Variants in MYH2 observed in about 807,000 individuals in gnomAD.
MYH2 encodes myosin-2.
MYH2 carries 139 observed loss-of-function variants against 228.1 expected under a neutral mutation model. That is an observed-to-expected ratio of 0.61 (90% CI 0.53 to 0.70). The LOEUF (loss-of-function observed/expected upper bound fraction) is 0.70, where lower values mean the gene tolerates loss of function less well. MYH2 is among the 30% of genes least tolerant of loss of function. The pLI, the probability that MYH2 is intolerant of heterozygous loss-of-function variation, is 0.00. For synonymous variants in MYH2, 796 were observed against 871.1 expected, an observed-to-expected ratio of 0.91 and a Z score of 1.52; for missense variants, 1,809 against 2,357.5, an observed-to-expected ratio of 0.77 and a Z score of 4.82.
chr17:10,547,843 C>T lies in MYH2; in HGVS notation c.78G>A (p.Glu26=). 6.2e-7 allele frequency: 1 copy of T among 1,614,186 alleles called. No individual in the cohort carries two copies. The change falls in exon 3 of 40, where the codon GAG becomes GAA. Residue 26 remains glutamate, a synonymous_variant. Transcript: ENST00000245503. ...TGGCATCAAAGGGCCTATTCTGGGC[C>T]TCAATGCGCTCCCTTTCAGACTTTC... is the stretch of plus-strand genomic sequence containing the variant. The part of the protein sequence containing the change: ...FLRKSERERI[E]AQNRPFDAKT...
At chr17:10,549,583 C>G (rs764599062) in intron 1 of MYH2, 53 bp downstream of exon 1, 10 of 152,208 alleles carry the variant, frequency 6.6e-5, no homozygotes, top group Non-Finnish European at 7.3e-5. Flanking sequence ...GCTGCTGACA[C>G]TGGGCGGTGT....
At chr17:10,545,012 TGA>T (rs1048690144) in intron 5 of MYH2, among the ~76,000 whole-genome samples, 1 of 124,962 alleles carries the variant, frequency 8.0e-6, no homozygotes, top group Non-Finnish European at 1.7e-5. Context: ...TGTGCGTGCA[TGA>T]GTGTGTGTGT....
chr17:10,521,273 G>A lies in MYH2; in HGVS notation c.*7C>T, dbSNP rs2073280443. ...GTCTTCAGTCATTCCATGGCATCAGGACATGATCACTCTTCACTTATGACT... is the reference window on the plus strand; with the variant it reads ...GTCTTCAGTCATTCCATGGCATCAGAACATGATCACTCTTCACTTATGACT... On this transcript the variant is annotated 3_prime_UTR_variant, in exon 40 of 40. Transcript: ENST00000245503. 3.1e-6 allele frequency: 5 copies of A among 1,613,336 alleles called. No homozygotes were observed. The highest frequency in any genetic ancestry group is 3.4e-6 in the Non-Finnish European group (4 of 1,179,980).
Position 10,521,224 on chromosome 17 carries a change from C to T in MYH2, c.*56G>A. 1 of 1,595,278 alleles carries T rather than the reference C, an allele frequency of 6.3e-7. No homozygotes were observed. ...ACACAATAATTACAGAGGGAAATGACCAAAGATGTCACATTTTGTGCCTGT... is the reference window on the plus strand; with the variant it reads ...ACACAATAATTACAGAGGGAAATGATCAAAGATGTCACATTTTGTGCCTGT... On this transcript the variant is annotated 3_prime_UTR_variant, in exon 40 of 40. Coordinates refer to ENST00000245503, the MANE Select transcript of MYH2 (RefSeq NM_017534.6).
Position 10,531,863 on chromosome 17 carries a change from T to C in MYH2, c.2467A>G (p.Asn823Asp), listed in dbSNP as rs2073428486. The C allele has an allele frequency of 1.2e-6, 2 of 1,614,142 alleles. No individual in the cohort carries two copies. The highest frequency in any genetic ancestry group is 1.7e-6 in the Non-Finnish European group (2 of 1,179,978). Residue 823 changes from asparagine to aspartate, a missense_variant, in exon 22 of 40, where the codon AAT becomes GAT. Transcript: ENST00000245503. ...TTGACATTCATGAAGGATCTGATAT[T>C]GTACTGGATACAGAAGATGGCCTCC... ...RREAIFCIQY[N>D]IRSFMNVKHW...
rs890055941 is a variant in MYH2, at chr17:10,530,074, C to T, written c.2698G>A (p.Glu900Lys). ...TCTGCATCAGCCAAGCCTTCGGCTT[C>T]CTTAAGTTGGAAACAAGATCAAAAT... ...KNDLQLQVQAEAEGLADAEER... is the reference protein window; with the variant it reads ...KNDLQLQVQAKAEGLADAEER... Residue 900 changes from glutamate (E) to lysine (K), a missense_variant and splice_region_variant, in exon 23 of 40, where the codon GAA (glutamate) becomes AAA (lysine). Glu to Lys is a moderately conservative substitution (Grantham distance 56). Transcript: ENST00000245503. 8 of 1,614,086 alleles carry T rather than the reference C, an allele frequency of 5.0e-6. No individual in the cohort carries two copies. The highest frequency in any genetic ancestry group is 5.9e-6 in the Non-Finnish European group (7 of 1,180,054).
intron 4 of MYH2, among the ~76,000 whole-genome samples, chr17:10,545,937 C>T (rs2073623623): frequency 6.6e-6 from 1 of 152,036 alleles, no homozygotes; most frequent in Non-Finnish European, 1.5e-5. Flanking sequence ...TTATTGCTCT[C>T]CTCAGGGCTT....
In MYH2 at chr17:10,533,592, A is replaced by G. The variant is rs1354661600; in HGVS notation, c.2221T>C (p.Phe741Leu). ...TCAGAGGCCTTCTTGCTATCAATGA[A>G]TTGCCCTTCAGGGATTGCACTTGCA... ...LNASAIPEGQ[F>L]IDSKKASEKL... is the part of the protein sequence containing the mutation. The change falls in exon 20 of 40, where the codon TTC becomes CTC. Residue 741 changes from phenylalanine to leucine, a missense_variant. By Grantham distance (22) the Phe-to-Leu change is conservative. This residue lies in a region of MYH2 where 276 missense variants were observed against 344.2 expected (regional missense o/e 0.80). Transcript: ENST00000245503. The G allele has an allele frequency of 1.9e-6, 3 of 1,614,136 alleles. No individual in the cohort carries two copies. Among genetic ancestry groups the G allele is most frequent in the Admixed American group, 1.7e-5 (1 of 60,030 alleles).
rs763350546 is a variant in MYH2, at chr17:10,529,000, A to G, written c.3434T>C (p.Leu1145Pro). ...GCTGATCTCCTCCAGCTCCCGGGAG[A>G]GGTCAGAGCGCTGCTTCTCTGCTTT... ...RAKAEKQRSD[L>P]SRELEEISER... Residue 1145 changes from leucine to proline, a missense_variant, in exon 27 of 40, where the codon CTC becomes CCC. Leu to Pro is a moderately conservative substitution (Grantham distance 98). Around this residue, in one of 9 missense-constraint regions of MYH2, gnomAD observed 636 missense variants for 729.9 expected, o/e 0.87. Transcript: ENST00000245503. The G allele has an allele frequency of 4.3e-6, 7 of 1,614,068 alleles. No individual in the cohort carries two copies.
chr17:10,528,614 A>G, intron 27 of MYH2, 76 bp downstream of exon 27: 2 of 1,606,554 alleles, frequency 1.2e-6, no homozygotes. Context: ...CTTAATGTGT[A>G]AAAAGTGCCC....
At chr17:10,546,941 A>T (rs904913423) in intron 4 of MYH2, among the ~76,000 whole-genome samples, 1 of 151,260 alleles carries the variant, frequency 6.6e-6, no homozygotes, top group African/African-American at 2.4e-5. Context: ...AAAAAAAAAA[A>T]ATAGCCGGGC....
Position 10,543,915 on chromosome 17 carries a change from G to T in MYH2, c.635C>A (p.Ser212Tyr). The stretch of plus-strand genomic sequence containing the variant: ...AATCAGACTCACCTGTATTTTGCCA[G>T]AAGTAATTTCTTCCTTCTTCTTCTC... ...TGEKKKEEIT[S>Y]GKIQGTLEDQ... is the part of the protein sequence containing the mutation. Residue 212 changes from serine to tyrosine, a missense_variant, in exon 7 of 40, where the codon TCT becomes TAT. Ser to Tyr is a moderately radical substitution (Grantham distance 144, BLOSUM62 -2). Coordinates refer to ENST00000245503, the MANE Select transcript of MYH2 (RefSeq NM_017534.6). The T allele has an allele frequency of 6.2e-7, 1 of 1,614,216 alleles. No individual in the cohort carries two copies. The highest frequency in any genetic ancestry group is 8.5e-7 in the Non-Finnish European group (1 of 1,180,034).
rs760446745 is a variant in MYH2, at chr17:10,540,716, A to G, written c.905-19T>C. 72 of 1,523,646 alleles carry G rather than the reference A, an allele frequency of 4.7e-5. No individual in the cohort carries two copies. Among genetic ancestry groups the G allele is most frequent in the Non-Finnish European group, 6.5e-5 (71 of 1,097,892 alleles). The allele number at this position is 1,523,646 out of a possible 1,614,324, so 94.4% of individuals were successfully genotyped here. A position where few individuals can be genotyped will look rare whatever the true frequency, so the allele number is the denominator to read the frequency against. ...AGCATTTCTAAGTACAGGAAACAGA[A>G]CAAAGATAAACATAATTATCTTCTT... is the stretch of plus-strand genomic sequence containing the variant. On this transcript the variant is annotated intron_variant, in intron 10 of 39. Coordinates refer to ENST00000245503, the MANE Select transcript of MYH2 (RefSeq NM_017534.6).
At position 10,543,373 on chromosome 17, in the gene MYH2, A is replaced by C. The variant is rs566782782; in HGVS notation, c.742-212T>G. Among the ~76,000 whole-genome samples the C allele has an allele frequency of 1.6e-4, 25 of 152,314 alleles. No individual in the cohort carries two copies. In the East Asian group the frequency reaches 4.4e-3, roughly 27 times the overall value. On this transcript the variant is annotated intron_variant, in intron 8 of 39. Coordinates refer to ENST00000245503, the MANE Select transcript of MYH2 (RefSeq NM_017534.6). ...ATTTCTTAAGTATGTGAAGTAATGG[A>C]TATGTTAATTAGCATGTTAATCATT...
At chr17:10,535,482 C>T (rs2073472973) in intron 17 of MYH2, 117 bp from the exon 18 acceptor site, 10 of 841,390 alleles carry the variant, frequency 1.2e-5, no homozygotes, top group Non-Finnish European at 2.0e-5. Context: ...GGACTGCATT[C>T]ATATAAGGCA....
At chr17:10,529,514 G>A in intron 24 of MYH2, 33 bp from the exon 25 acceptor site, 3 of 1,614,170 alleles carry the variant, frequency 1.9e-6, no homozygotes, top group Non-Finnish European at 2.5e-6. Flanking sequence ...CAGAAGGAAT[G>A]CTTATCTTCC....
chr17:10,532,147 G>A (rs991765262), intron 21 of MYH2, among the ~76,000 whole-genome samples: 4 of 152,132 alleles, frequency 2.6e-5, no homozygotes, highest in Admixed American at 6.5e-5. Flanking sequence ...CCTCACCTCC[G>A]TAGATTCAGA....
At position 10,521,191 on chromosome 17, in the gene MYH2, G is replaced by A. The variant is rs1230963096; in HGVS notation, c.*89C>T. On this transcript the variant is annotated 3_prime_UTR_variant, in exon 40 of 40. Transcript: ENST00000245503. ...CTATGCTTTATTTCCTTTGCAACAG[G>A]GTAGAATACACAATAATTACAGAGG... 3 of 1,465,012 alleles carry A rather than the reference G, an allele frequency of 2.0e-6. No individual in the cohort carries two copies. The highest frequency in any genetic ancestry group is 1.1e-5 in the South Asian group (1 of 87,944). The allele number at this position is 1,465,012 out of a possible 1,614,324, so 90.8% of individuals were successfully genotyped here. A position where few individuals can be genotyped will look rare whatever the true frequency, so the allele number is the denominator to read the frequency against.
chr17:10,542,875 CAAT>C lies in MYH2; in HGVS notation c.901_903del (p.Ile301del), dbSNP rs1163784104. The C allele has an allele frequency of 1.9e-6, 3 of 1,578,720 alleles. No homozygotes were observed. The highest frequency in any genetic ancestry group is 2.6e-6 in the Non-Finnish European group (3 of 1,148,692). On this transcript the variant is annotated inframe_deletion and splice_region_variant, in exon 10 of 40. Coordinates refer to ENST00000245503, the MANE Select transcript of MYH2 (RefSeq NM_017534.6). The stretch of plus-strand genomic sequence containing the variant: ...GGAAAAGAATTATGACATTTCTTAC[CAAT>C]AAGTTCTGGTTTCTTATTCGATGTA...
Sources: gnomAD v4.1 joint callset for allele counts (sites outside exome capture counted in the v4.1 genomes callset) on GRCh38, gnomAD v4.1.1 for gene constraint, gnomAD v4.1.1 regional missense constraint, MANE v1.5 for transcripts, NCBI Gene and HGNC (gene_info 2026-07-23, HGNC 2026-07-21) for gene names.